The following PREX1 variants were observed in gnomAD, a reference collection of about 807,000 sequenced individuals.
PREX1 encodes phosphatidylinositol 3,4,5-trisphosphate-dependent Rac exchanger 1 protein.
In PREX1, 41 loss-of-function variants were observed where a neutral mutation model predicts 198.3. The observed-to-expected ratio is 0.21, with a 90% CI of 0.16 to 0.27. The LOEUF (loss-of-function observed/expected upper bound fraction) is 0.27, where lower values mean the gene tolerates loss of function less well. Among genes scored for constraint, PREX1 ranks in the 10% least tolerant of loss-of-function variants. PREX1 has a pLI of 1.00. For synonymous variants in PREX1, 843 were observed against 887.2 expected, an observed-to-expected ratio of 0.95 and a Z score of 0.89; for missense variants, 1,620 against 2,200.7, an observed-to-expected ratio of 0.74 and a Z score of 5.28.
At chr20:48,661,484 TA>T (rs1295357994) in intron 15 of PREX1, among the ~76,000 whole-genome samples, 121 of 105,446 alleles carry the variant, frequency 1.1e-3, no homozygotes, top group African/African-American at 4.6e-3. Flanking sequence ...CACATATATA[TA>T]ATATAATATA....
At chr20:48,825,929 G>T (rs1348862790) in intron 1 of PREX1, among the ~76,000 whole-genome samples, 3 of 138,410 alleles carry the variant, frequency 2.2e-5, no homozygotes, top group Admixed American at 8.3e-5. Context: ...TATTCTTACA[G>T]GCCTTCCTAG....
intron 35 of PREX1, 128 bp from the exon 36 acceptor site, chr20:48,630,922 G>C: frequency 1.4e-6 from 1 of 717,086 alleles, no homozygotes; most frequent in Non-Finnish European, 2.4e-6. Context: ...AAATCCCTGA[G>C]AGCGCCTGCA....
intron 3 of PREX1, among the ~76,000 whole-genome samples, chr20:48,738,643 A>C (rs2090067606): frequency 6.6e-6 from 1 of 152,156 alleles, no homozygotes; most frequent in Non-Finnish European, 1.5e-5. Flanking sequence ...TTGTGCATAC[A>C]CAGATGTGGT....
chr20:48,829,585 G>A (rs988579677), upstream of PREX1, among the ~76,000 whole-genome samples: 7 of 152,182 alleles, frequency 4.6e-5, no homozygotes, highest in South Asian at 8.3e-4. Context: ...AGCCTGTCAC[G>A]CTTGGGTAGT....
chr20:48,876,066 C>T, the PREX1 span, among the ~76,000 whole-genome samples: 1 of 152,158 alleles, frequency 6.6e-6, no homozygotes. Flanking sequence ...TGTGCTCTCT[C>T]ACCCCAAGGG....
At position 48,666,713 on chromosome 20, in the gene PREX1, G is replaced by C. The variant is rs538362007; in HGVS notation, c.1666-358C>G. Among the ~76,000 whole-genome samples the C allele has an allele frequency of 6.6e-6, 1 of 152,144 alleles. No individual in the cohort carries two copies. The highest frequency in any genetic ancestry group is 2.1e-4 in the South Asian group (1 of 4,812). On this transcript the variant is annotated intron_variant, in intron 14 of 39. Transcript: ENST00000371941. The surrounding 1 kb of genome is among the most constrained non-coding windows in gnomAD (Gnocchi z 4.3). ...GCTAATTTTTTGTATTTTTAGTAGA[G>C]ACGGGGTTTCACTGTGTTAGCCAGG...
chr20:48,775,065 G>A (rs372996500), intron 1 of PREX1, among the ~76,000 whole-genome samples: 62 of 152,246 alleles, frequency 4.1e-4, no homozygotes, highest in African/African-American at 1.5e-3. Flanking sequence ...TTGCTCACAC[G>A]GTTTCCACCA....
intron 33 of PREX1, 76 bp from the exon 34 acceptor site, chr20:48,632,715 A>T: frequency 6.5e-7 from 1 of 1,529,380 alleles, no homozygotes; most frequent in East Asian, 2.3e-5. Context: ...CCTCTCCAGA[A>T]CAGCTGGCAC....
chr20:48,679,314 TGAG>T lies in PREX1; in HGVS notation c.1589+43_1589+45del, dbSNP rs760130858. The T allele has an allele frequency of 1.0e-5, 16 of 1,560,086 alleles. No homozygotes were observed. The African/African-American group carries it at 1.9e-4, about 19-fold the overall frequency. On this transcript the variant is annotated intron_variant, in intron 13 of 39. Coordinates refer to ENST00000371941, the MANE Select transcript of PREX1 (RefSeq NM_020820.4). Reference sequence around the variant, plus strand: ...AGTTGCCAGCCCAAGGCCACACAGCTGAGAAGAGGTAGAGGTGAAATTGGAGCT... The same window carrying T: ...AGTTGCCAGCCCAAGGCCACACAGCTAAGAGGTAGAGGTGAAATTGGAGCT...
intron 14 of PREX1, among the ~76,000 whole-genome samples, chr20:48,673,664 A>G (rs2089690690): frequency 6.6e-6 from 1 of 151,324 alleles, no homozygotes; most frequent in South Asian, 2.1e-4. Flanking sequence ...CAAATTCAGA[A>G]GGCGGGACTC....
chr20:48,791,443 G>A (rs966538605), intron 1 of PREX1, among the ~76,000 whole-genome samples: 2 of 152,172 alleles, frequency 1.3e-5, no homozygotes, highest in African/African-American at 2.4e-5. Context: ...TTTGCCCCAA[G>A]GTCACCCTGC....
At chr20:48,866,859 G>A in the PREX1 span, among the ~76,000 whole-genome samples, 2 of 152,020 alleles carry the variant, frequency 1.3e-5, no homozygotes, top group African/African-American at 4.8e-5. Context: ...AGCCTGGGAG[G>A]TGGAGGTTGC....
intron 10 of PREX1, among the ~76,000 whole-genome samples, chr20:48,688,243 C>T (rs542319900): frequency 1.5e-4 from 23 of 152,166 alleles, no homozygotes; most frequent in African/African-American, 5.1e-4. Flanking sequence ...TTTTTCAAAC[C>T]GTTAGTGCTT....
chr20:48,859,887 G>A, the PREX1 span, among the ~76,000 whole-genome samples: 7 of 152,154 alleles, frequency 4.6e-5, no homozygotes, highest in East Asian at 1.9e-4. Flanking sequence ...GCATGGTGGC[G>A]CATGCTTGTA....
chr20:48,777,046 A>T (rs1385871215), intron 1 of PREX1, among the ~76,000 whole-genome samples: 1 of 152,234 alleles, frequency 6.6e-6, no homozygotes, highest in Non-Finnish European at 1.5e-5. Flanking sequence ...CCACTCATCA[A>T]TATGAATAAT....
intron 9 of PREX1, 107 bp downstream of exon 9, chr20:48,690,840 T>A: frequency 6.7e-7 from 1 of 1,482,960 alleles, no homozygotes; most frequent in Non-Finnish European, 9.2e-7. Context: ...ACAGCTCTGA[T>A]CCTCCTGAAA....
At position 48,692,743 on chromosome 20, in the gene PREX1, C is replaced by T. The variant is rs2089825813; in HGVS notation, c.965G>A (p.Gly322Asp). The T allele has an allele frequency of 2.5e-6, 4 of 1,614,032 alleles. No individual in the cohort carries two copies. The highest frequency in any genetic ancestry group is 2.5e-6 in the Non-Finnish European group (3 of 1,179,992). ...KSTKRTKSIN[G>D]SLYIFRGRIN... is the part of the protein sequence containing the mutation. ...TCGACCCCTGAAGATGTAGAGGGAG[C>T]CGTTGATGGATTTGGTCCTCTTGGT... The change falls in exon 8 of 40, where the codon GGC becomes GAC. Residue 322 changes from glycine (G) to aspartate (D), a missense_variant. Transcript: ENST00000371941.
intron 36 of PREX1, among the ~76,000 whole-genome samples, 197 bp from the exon 37 acceptor site, chr20:48,629,818 C>G (rs2089299872): frequency 6.6e-6 from 1 of 152,232 alleles, no homozygotes; most frequent in South Asian, 2.1e-4. Flanking sequence ...TGGCTCCCCA[C>G]TGCCCTACAA....
At chr20:48,742,568 A>G (rs1344199334) in intron 3 of PREX1, among the ~76,000 whole-genome samples, 1 of 152,130 alleles carries the variant, frequency 6.6e-6, no homozygotes, top group African/African-American at 2.4e-5. Flanking sequence ...ACAACTTCCC[A>G]CAAAGGCCTA....
Sources: allele counts gnomAD v4.1 joint callset (sites outside exome capture counted in the v4.1 genomes callset), GRCh38; gene constraint gnomAD v4.1.1; non-coding constraint Gnocchi (gnomAD v3.1); transcripts MANE v1.5; gene names NCBI Gene and HGNC (gene_info 2026-07-23, HGNC 2026-07-21).